Variants in CDH13 observed in about 807,000 individuals in gnomAD.
CDH13 encodes the protein cadherin 13, also known as cadherin-13.
A neutral mutation model predicts 63.8 loss-of-function variants in CDH13; 24 were observed. The ratio of observed to expected loss-of-function variants is 0.38; its 90% CI spans 0.27 to 0.53. CDH13 has a LOEUF of 0.53. CDH13 is among the 20% of genes least tolerant of loss of function. CDH13 has a pLI of 0.85. For missense variants in CDH13, 1,049 were observed against 903.1 expected, an observed-to-expected ratio of 1.16 and a Z score of -2.07; for synonymous variants, 503 against 355.3, an observed-to-expected ratio of 1.42 and a Z score of -4.67.
intron 1 of CDH13, among the ~76,000 whole-genome samples, chr16:82,800,451 A>G (rs1394835197): frequency 6.6e-6 from 1 of 152,188 alleles, no homozygotes. Flanking sequence ...CTTGGGATCT[A>G]TGGAACAGAG....
intron 11 of CDH13, among the ~76,000 whole-genome samples, chr16:83,765,117 C>T (rs1914277294): frequency 6.6e-6 from 1 of 152,206 alleles, no homozygotes; most frequent in African/African-American, 2.4e-5. Context: ...GTGCTTGTAA[C>T]ACCATCCCAC....
intron 3 of CDH13, among the ~76,000 whole-genome samples, chr16:83,082,101 C>A (rs2033294577): frequency 6.6e-6 from 1 of 152,280 alleles, no homozygotes; most frequent in East Asian, 1.9e-4. Flanking sequence ...TGCCCGGCCA[C>A]CTAATTACTT....
intron 1 of CDH13, among the ~76,000 whole-genome samples, chr16:82,778,718 C>T (rs2035614162): frequency 6.6e-6 from 1 of 152,012 alleles, no homozygotes. Flanking sequence ...TGAACTCATA[C>T]CTATCTAGAG....
rs376359501 is a variant in CDH13 at position 82,795,471 on chromosome 16, C to G, written c.46-62891C>G. On this transcript the variant is annotated intron_variant, in intron 1 of 13. Coordinates refer to ENST00000567109, the MANE Select transcript of CDH13 (RefSeq NM_001257.5). ...AATTGTCATCCTTATGTAACAGTGA[C>G]AACTAACATTTTTCAAGGCTCGTTA... is the stretch of plus-strand genomic sequence containing the variant. 3.9e-5 allele frequency among the ~76,000 whole-genome samples: 6 copies of G among 152,326 alleles called. No homozygotes were observed. In the South Asian group the frequency reaches 6.2e-4, roughly 16 times the overall value.
chr16:83,015,267 G>T (rs188532448), intron 2 of CDH13, among the ~76,000 whole-genome samples: 118 of 151,852 alleles, frequency 7.8e-4, no homozygotes, highest in Non-Finnish European at 1.4e-3. Context: ...TAAATAATAT[G>T]AGTTAAAGGA....
intron 5 of CDH13, among the ~76,000 whole-genome samples, chr16:83,317,906 C>G (rs2090140359): frequency 6.6e-6 from 1 of 152,092 alleles, no homozygotes; most frequent in South Asian, 2.1e-4. Flanking sequence ...AGTCACCCAG[C>G]TTTTAAGCAA....
At chr16:83,291,088 C>G (rs953330539) in intron 5 of CDH13, among the ~76,000 whole-genome samples, 17 of 152,060 alleles carry the variant, frequency 1.1e-4, no homozygotes, top group African/African-American at 4.1e-4. Context: ...ATGAGACTAC[C>G]CGTTGTTCAA....
At chr16:83,535,657 TC>T (rs1167370177) in intron 7 of CDH13, among the ~76,000 whole-genome samples, 1 of 152,194 alleles carries the variant, frequency 6.6e-6, no homozygotes, top group African/African-American at 2.4e-5. Context: ...AACTGTGCAG[TC>T]CTGGACAGGT....
chr16:83,126,644 G>A (rs1032927927), intron 4 of CDH13, among the ~76,000 whole-genome samples: 7 of 152,280 alleles, frequency 4.6e-5, no homozygotes, highest in South Asian at 2.1e-4. Context: ...AGTTGATCTC[G>A]AGAACAAAGA....
intron 5 of CDH13, among the ~76,000 whole-genome samples, chr16:83,219,070 T>G (rs1174364312): frequency 6.6e-6 from 1 of 152,184 alleles, no homozygotes; most frequent in Non-Finnish European, 1.5e-5. Context: ...ATTAGCAGCA[T>G]GAGAACGGAC....
At chr16:83,739,309 C>T (rs940076164) in intron 10 of CDH13, among the ~76,000 whole-genome samples, 1 of 152,098 alleles carries the variant, frequency 6.6e-6, no homozygotes, top group African/African-American at 2.4e-5. Context: ...TGATGGAGAA[C>T]ATTTCACATA....
intron 3 of CDH13, among the ~76,000 whole-genome samples, chr16:83,043,904 T>C (rs1917552587): frequency 6.6e-6 from 1 of 152,180 alleles, no homozygotes; most frequent in African/African-American, 2.4e-5. Flanking sequence ...TATTAAGTCA[T>C]TGAAATGTAG....
intron 6 of CDH13, among the ~76,000 whole-genome samples, chr16:83,432,943 T>G (rs1380187116): frequency 6.6e-6 from 1 of 152,234 alleles, no homozygotes; most frequent in Non-Finnish European, 1.5e-5. Flanking sequence ...TGATAAGAAT[T>G]ACTTTCACTT....
chr16:82,836,347 G>A (rs1336920114), intron 1 of CDH13, among the ~76,000 whole-genome samples: 5 of 151,982 alleles, frequency 3.3e-5, no homozygotes, highest in South Asian at 4.1e-4. Context: ...ACTGGGTTTC[G>A]CCATGTTAAG....
At chr16:83,323,818 C>T (rs754316226) in intron 5 of CDH13, among the ~76,000 whole-genome samples, 1 of 152,150 alleles carries the variant, frequency 6.6e-6, no homozygotes, top group African/African-American at 2.4e-5. Flanking sequence ...CTCTTTAGTA[C>T]ATTCTTTCTA....
At chr16:83,460,842 T>TAA (rs36001774) in intron 6 of CDH13, among the ~76,000 whole-genome samples, 346 of 140,560 alleles carry the variant, frequency 2.5e-3, no homozygotes, top group Admixed American at 3.3e-3. Context: ...TACAAATAAT[T>TAA]AAAAAAAAAA....
At chr16:83,491,820 T>C (rs1257051379) in intron 7 of CDH13, among the ~76,000 whole-genome samples, 2 of 152,232 alleles carry the variant, frequency 1.3e-5, no homozygotes, top group Admixed American at 6.5e-5. Context: ...TAATTTGTTT[T>C]GTATTTTCAG....
At chr16:83,478,644 C>T (rs1192497131) in intron 6 of CDH13, among the ~76,000 whole-genome samples, 1 of 152,096 alleles carries the variant, frequency 6.6e-6, no homozygotes, top group Non-Finnish European at 1.5e-5. Flanking sequence ...CAGACCTTGC[C>T]TTAGGCCTAA....
chr16:83,326,079 T>C (rs2090353408), intron 5 of CDH13, among the ~76,000 whole-genome samples: 1 of 152,178 alleles, frequency 6.6e-6, no homozygotes, highest in African/African-American at 2.4e-5. Context: ...AAATAAGTCA[T>C]CTGAATTGAT....
Sources: gnomAD v4.1 joint callset for allele counts (sites outside exome capture counted in the v4.1 genomes callset) on GRCh38, gnomAD v4.1.1 for gene constraint, MANE v1.5 for transcripts, NCBI Gene and HGNC (gene_info 2026-07-23, HGNC 2026-07-21) for gene names.